Variants in SMAD2 observed in about 807,000 individuals in gnomAD.
SMAD2 encodes SMAD family member 2.
In SMAD2, 8 loss-of-function variants were observed where a neutral mutation model predicts 64.4. The observed-to-expected ratio is 0.12, with a 90% confidence interval of 0.07 to 0.22. SMAD2 has a LOEUF of 0.22. Among genes scored for constraint, SMAD2 ranks in the 10% least tolerant of loss-of-function variants. The pLI is 1.00. For missense variants in SMAD2, 289 were observed against 561.2 expected, an observed-to-expected ratio of 0.51 and a Z score of 4.90; for synonymous variants, 203 against 195.8, an observed-to-expected ratio of 1.04 and a Z score of -0.31.
At chr18:47,866,316 CAAAAA>C (rs34302955) in intron 5 of SMAD2, among the ~76,000 whole-genome samples, 2 of 42,100 alleles carry the variant, frequency 4.8e-5, no homozygotes, top group African/African-American at 1.0e-4. Context: ...AACACCGTCT[CAAAAA>C]AAAAAAAAAA....
At chr18:47,881,205 G>A (rs1373600174) in intron 2 of SMAD2, among the ~76,000 whole-genome samples, 2 of 152,140 alleles carry the variant, frequency 1.3e-5, no homozygotes, top group African/African-American at 4.8e-5. Context: ...TTGTTATTGA[G>A]GGAGTGTCAG....
At chr18:47,906,772 C>G (rs1411087060) in intron 1 of SMAD2, among the ~76,000 whole-genome samples, 1 of 152,006 alleles carries the variant, frequency 6.6e-6, no homozygotes, top group Non-Finnish European at 1.5e-5. Flanking sequence ...AGCTTGTGCT[C>G]CCTTCCCTTA....
Position 47,840,003 on chromosome 18 carries a change from AG to A in SMAD2, c.*1823del, listed in dbSNP as rs1426800128. ...GTGTAACTGCTGTCTCAGCAAAGGC[AG>A]GAACTGTAGTTGTCTTGTTCACCTT... On this transcript the variant is annotated 3_prime_UTR_variant, in exon 11 of 11. Coordinates refer to ENST00000262160, the MANE Select transcript of SMAD2 (RefSeq NM_005901.6). The A allele has an allele frequency of 4.3e-6, 1 of 233,098 alleles. No homozygotes were observed. Among genetic ancestry groups the A allele is most frequent in the African/African-American group, 2.2e-5 (1 of 45,358 alleles). 14.4% of individuals were successfully genotyped at this position (233,098 alleles called of 1,614,324 possible). A position where few individuals can be genotyped will look rare whatever the true frequency, so the allele number is the denominator to read the frequency against.
chr18:47,850,492 GTATAA>G lies in SMAD2; in HGVS notation c.784+777_784+781del, dbSNP rs1358097961. 4.5e-4 allele frequency among the ~76,000 whole-genome samples: 9 copies of G among 19,884 alleles called. 2 individuals are homozygous for G. Among genetic ancestry groups the G allele is most frequent in the African/African-American group, 1.2e-3 (5 of 4,196 alleles). 13.0% of individuals were successfully genotyped at this position (19,884 alleles called of 152,430 possible). A position where few individuals can be genotyped will look rare whatever the true frequency, so the allele number is the denominator to read the frequency against. Reference sequence around the variant, plus strand: ...ATATATATTATATATTATATATTATGTATAATATATGTTATATATATAATATATAT... The same window carrying G: ...ATATATATTATATATTATATATTATGTATATGTTATATATATAATATATAT... On this transcript the variant is annotated intron_variant, in intron 7 of 10. Transcript: ENST00000262160.
intron 2 of SMAD2, among the ~76,000 whole-genome samples, chr18:47,887,453 G>C (rs1187229258): frequency 6.6e-6 from 1 of 151,990 alleles, no homozygotes; most frequent in East Asian, 1.9e-4. Context: ...ATGGAGTCCT[G>C]TGGAGGTTGG....
intron 6 of SMAD2, among the ~76,000 whole-genome samples, chr18:47,857,361 TGCG>T (rs1294613438): frequency 1.3e-4 from 20 of 152,320 alleles, no homozygotes; most frequent in African/African-American, 4.8e-4. Flanking sequence ...TAATCCCCAG[TGCG>T]ATAGCATCTT....
At chr18:47,909,966 T>C (rs2034060138) in intron 1 of SMAD2, among the ~76,000 whole-genome samples, 1 of 151,910 alleles carries the variant, frequency 6.6e-6, no homozygotes, top group Non-Finnish European at 1.5e-5. Flanking sequence ...CCGTCAATGT[T>C]ACAAAAAAGA....
intron 1 of SMAD2, among the ~76,000 whole-genome samples, chr18:47,929,956 G>A (rs891765390): frequency 2.0e-5 from 3 of 152,000 alleles, no homozygotes; most frequent in African/African-American, 4.8e-5. Context: ...TGGAAAACCC[G>A]AGACTACCAC....
intron 6 of SMAD2, 98 bp downstream of exon 6, chr18:47,864,961 A>C: frequency 1.3e-6 from 1 of 760,716 alleles, no homozygotes; most frequent in Admixed American, 2.0e-5. Flanking sequence ...ATGCGTCTCA[A>C]CTTCTCTAAA....
At chr18:47,889,152 G>A (rs942184791) in intron 2 of SMAD2, among the ~76,000 whole-genome samples, 18 of 152,232 alleles carry the variant, frequency 1.2e-4, no homozygotes, top group East Asian at 7.7e-4. Flanking sequence ...TGTAAGAGAC[G>A]TTCTGATTTT....
intron 1 of SMAD2, among the ~76,000 whole-genome samples, chr18:47,925,818 G>T (rs2034739341): frequency 6.6e-6 from 1 of 150,930 alleles, no homozygotes; most frequent in Non-Finnish European, 1.5e-5. Context: ...TAACCCTGAG[G>T]TAAGGTTACA....
rs8671 is a variant in SMAD2, at chr18:47,833,293, T to C, written c.*8534A>G. The C allele has an allele frequency of 3.7e-5, 8 of 216,188 alleles. No individual in the cohort carries two copies. The highest frequency in any genetic ancestry group is 1.8e-4 in the African/African-American group (8 of 44,362). 13.4% of individuals were successfully genotyped at this position (216,188 alleles called of 1,614,324 possible). ...AGCAATGTTTTCTTAAGCAGAACTTTTTTTGTACTTTAAATAGACTAAAAT... is the reference window on the plus strand; with the variant it reads ...AGCAATGTTTTCTTAAGCAGAACTTCTTTTGTACTTTAAATAGACTAAAAT... On this transcript the variant is annotated 3_prime_UTR_variant, in exon 11 of 11. Transcript: ENST00000262160.
In SMAD2 at chr18:47,818,994, T is replaced by C. The variant is rs1162212148; in HGVS notation, c.*22833A>G. The C allele has an allele frequency of 6.6e-6, 1 of 152,254 alleles. No homozygotes were observed. Among genetic ancestry groups the C allele is most frequent in the African/African-American group, 2.4e-5 (1 of 41,474 alleles). The allele number at this position is 152,254 out of a possible 1,614,324, so 9.4% of individuals were successfully genotyped here. ...GTGTATGTGTATGTTTAGGTGTGTT[T>C]ACACATATGTATATATATGTTGTAT... On this transcript the variant is annotated 3_prime_UTR_variant, in exon 11 of 11. Transcript: ENST00000262160.
At position 47,916,406 on chromosome 18, in the gene SMAD2, ATTTATTTTG is replaced by A. The variant is rs199578374; in HGVS notation, c.-54+13946_-54+13954del. 2.5e-4 allele frequency among the ~76,000 whole-genome samples: 38 copies of A among 151,322 alleles called. 1 individual carries two copies. The highest frequency in any genetic ancestry group is 1.7e-3 in the Admixed American group (26 of 15,196). On this transcript the variant is annotated intron_variant, in intron 1 of 10. Transcript: ENST00000262160. ...TACATTGGTACAGGTATATTTATTT[ATTTATTTTG>A]TTTTGTTTTGTTTTGTTTTGAGACA...
chr18:47,897,071 C>T (rs559159674), intron 1 of SMAD2, among the ~76,000 whole-genome samples: 2 of 152,256 alleles, frequency 1.3e-5, no homozygotes, highest in South Asian at 2.1e-4. Flanking sequence ...ATACTTTTAA[C>T]GATTTTTCAC....
Position 47,841,956 on chromosome 18 carries a change from TA to T in SMAD2, c.1281-7del, listed in dbSNP as rs933335545. 3 of 1,614,048 alleles carry T rather than the reference TA, an allele frequency of 1.9e-6. No homozygotes were observed. Among genetic ancestry groups the T allele is most frequent in the Non-Finnish European group, 2.5e-6 (3 of 1,179,944 alleles). On this transcript the variant is annotated splice_region_variant and splice_polypyrimidine_tract_variant and intron_variant, in intron 10 of 10. Coordinates refer to ENST00000262160, the MANE Select transcript of SMAD2 (RefSeq NM_005901.6). The stretch of plus-strand genomic sequence containing the variant: ...TACTTGTTACCGTCTGCCTTCTGTT[TA>T]AAAGAATACAGGAAAATGATTATGA...
At position 47,837,494 on chromosome 18, in the gene SMAD2, G is replaced by A. The variant is rs951013957; in HGVS notation, c.*4333C>T. ...GAAGCATGGCGTGAACCCGGGAGGC[G>A]GAGCTTGCAGTGAACCAAGATCGCA... On this transcript the variant is annotated 3_prime_UTR_variant, in exon 11 of 11. Coordinates refer to ENST00000262160, the MANE Select transcript of SMAD2 (RefSeq NM_005901.6). 16 of 217,992 alleles carry A rather than the reference G, an allele frequency of 7.3e-5. No individual in the cohort carries two copies. Among genetic ancestry groups the A allele is most frequent in the African/African-American group, 1.4e-4 (6 of 44,102 alleles). 13.5% of individuals were successfully genotyped at this position (217,992 alleles called of 1,614,324 possible). A position where few individuals can be genotyped will look rare whatever the true frequency, so the allele number is the denominator to read the frequency against.
chr18:47,875,164 C>A (rs559524733), intron 2 of SMAD2, among the ~76,000 whole-genome samples: 1 of 152,130 alleles, frequency 6.6e-6, no homozygotes, highest in Non-Finnish European at 1.5e-5. Context: ...ATGTTAACTG[C>A]CCCTTCCTAG....
At position 47,836,218 on chromosome 18, in the gene SMAD2, A is replaced by C. The variant is rs1461687815; in HGVS notation, c.*5609T>G. 4.5e-6 allele frequency: 1 copy of C among 223,540 alleles called. No homozygotes were observed. The highest frequency in any genetic ancestry group is 6.5e-5 in the East Asian group (1 of 15,450). 13.8% of individuals were successfully genotyped at this position (223,540 alleles called of 1,614,324 possible). ...ATTTGACCTTGTAGTAGTATTTCCC[A>C]GGGTAACTTAAGCAGCAACCTTGCA... On this transcript the variant is annotated 3_prime_UTR_variant, in exon 11 of 11. Coordinates refer to ENST00000262160, the MANE Select transcript of SMAD2 (RefSeq NM_005901.6).
Sources: allele counts gnomAD v4.1 joint callset (sites outside exome capture counted in the v4.1 genomes callset), GRCh38; gene constraint gnomAD v4.1.1; transcripts MANE v1.5; gene names NCBI Gene and HGNC (gene_info 2026-07-23, HGNC 2026-07-21).